The following BCO1 variants were observed in gnomAD, a reference collection of about 807,000 sequenced individuals.
BCO1 encodes beta,beta-carotene 15,15'-dioxygenase.
BCO1 carries 54 observed loss-of-function variants against 56.3 expected under a neutral mutation model. The observed-to-expected ratio is 0.96, with a 90% CI of 0.77 to 1.20. BCO1 has a LOEUF of 1.20. BCO1 is among the 50% of genes most tolerant of loss of function. BCO1 has a pLI of 0.00. For synonymous variants in BCO1, 318 were observed against 266.1 expected (o/e 1.20, Z -1.90); for missense variants, 801 against 690.9 (o/e 1.16, Z -1.79).
At chr16:81,242,866 C>G (rs776282171) in intron 1 of BCO1, among the ~76,000 whole-genome samples, 1 of 152,100 alleles carries the variant, frequency 6.6e-6, no homozygotes, top group Non-Finnish European at 1.5e-5. Flanking sequence ...AGTGCAAACC[C>G]TACTGTGAGC....
chr16:81,243,658 G>C (rs142527902), intron 1 of BCO1, among the ~76,000 whole-genome samples: 2 of 152,032 alleles, frequency 1.3e-5, no homozygotes, highest in African/African-American at 4.8e-5. Context: ...TGGTGGAGGC[G>C]GGGTTTCACC....
Position 81,245,472 on chromosome 16 carries a change from C to T in BCO1, c.65-3C>T. On this transcript the variant is annotated splice_region_variant and splice_polypyrimidine_tract_variant and intron_variant, in intron 1 of 10. Transcript: ENST00000258168. Reference sequence around the variant, plus strand: ...GGAAACTAAACATTCTCTCTTTTCTCAGGCAAGATTCCAGCATGGCTGCAG... The same window carrying T: ...GGAAACTAAACATTCTCTCTTTTCTTAGGCAAGATTCCAGCATGGCTGCAG... 1 of 1,614,200 alleles carries T rather than the reference C, an allele frequency of 6.2e-7. No individual in the cohort carries two copies. Among genetic ancestry groups the T allele is most frequent in the African/African-American group, 1.3e-5 (1 of 75,048 alleles).
chr16:81,252,012 C>G (rs1905837088), intron 2 of BCO1, among the ~76,000 whole-genome samples: 1 of 151,944 alleles, frequency 6.6e-6, no homozygotes, highest in Non-Finnish European at 1.5e-5. Flanking sequence ...GCTAATTGGG[C>G]TCTCCTGAAA....
intron 6 of BCO1, among the ~76,000 whole-genome samples, chr16:81,268,631 T>G (rs1906985623): frequency 6.6e-6 from 1 of 152,220 alleles, no homozygotes; most frequent in African/African-American, 2.4e-5. Context: ...AAAGTATGTA[T>G]GCACGTATTG....
rs758449542 is a variant in BCO1, at chr16:81,268,112, C to A, written c.824C>A (p.Ala275Asp). The A allele has an allele frequency of 1.2e-6, 2 of 1,609,828 alleles. No homozygotes were observed. Among genetic ancestry groups the A allele is most frequent in the Non-Finnish European group, 1.7e-6 (2 of 1,179,978 alleles). ...IRRMSWASCL[A>D]FHREEKTYIH... ...AGAATGAGCTGGGCCTCCTGCCTGG[C>A]TTTCCACAGGGAGGAGAAGGTGAGG... Residue 275 changes from alanine to aspartate, a missense_variant, in exon 6 of 11, where the codon GCT (alanine) becomes GAT (aspartate). Transcript: ENST00000258168.
At chr16:81,254,230 G>A (rs1055886204) in intron 2 of BCO1, among the ~76,000 whole-genome samples, 70 of 150,800 alleles carry the variant, frequency 4.6e-4, no homozygotes, top group African/African-American at 1.7e-3. Flanking sequence ...CTGGGTTCAA[G>A]CAATTCTCCT....
At chr16:81,282,391 A>G (rs1907932548) in intron 8 of BCO1, among the ~76,000 whole-genome samples, 1 of 152,066 alleles carries the variant, frequency 6.6e-6, no homozygotes, top group South Asian at 2.1e-4. Context: ...CAAAAAACAA[A>G]AAACAAAAAC....
At chr16:81,270,485 C>T (rs1419811908) in intron 7 of BCO1, 69 bp downstream of exon 7, 1 of 1,595,746 alleles carries the variant, frequency 6.3e-7, no homozygotes, top group Non-Finnish European at 8.6e-7. Context: ...GTTACTTTGG[C>T]CCTTATTTGA....
chr16:81,266,990 C>G (rs575375910), intron 5 of BCO1, among the ~76,000 whole-genome samples: 168 of 152,280 alleles, frequency 1.1e-3, no homozygotes, highest in Non-Finnish European at 1.9e-3. Flanking sequence ...CATTATAAGC[C>G]AGCCGTAGGC....
chr16:81,240,527 G>A (rs988325572), intron 1 of BCO1, among the ~76,000 whole-genome samples: 8 of 152,082 alleles, frequency 5.3e-5, no homozygotes, highest in Non-Finnish European at 7.4e-5. Flanking sequence ...CTAACATGGC[G>A]AAATCCCTCT....
chr16:81,245,905 C>A (rs1450718315), intron 2 of BCO1, among the ~76,000 whole-genome samples: 1 of 139,482 alleles, frequency 7.2e-6, no homozygotes, highest in African/African-American at 2.7e-5. Context: ...TCTTGTTGCC[C>A]AAGCTGGAGT....
At position 81,238,787 on chromosome 16, in the gene BCO1, T is replaced by A. The variant is rs1904973664; in HGVS notation, c.-122T>A. On this transcript the variant is annotated 5_prime_UTR_variant, in exon 1 of 11. It removes an upstream start codon present in the reference 5' UTR. Coordinates refer to ENST00000258168, the MANE Select transcript of BCO1 (RefSeq NM_017429.3). ...GAAACGGCATCAGGAGAGACAGAGA[T>A]GTGAAGGAGGGAAGGAGCAGGAGAG... 1.2e-6 allele frequency: 1 copy of A among 857,236 alleles called. No homozygotes were observed. Among genetic ancestry groups the A allele is most frequent in the Non-Finnish European group, 2.0e-6 (1 of 503,742 alleles). The allele number at this position is 857,236 out of a possible 1,614,324, so 53.1% of individuals were successfully genotyped here. A position where few individuals can be genotyped will look rare whatever the true frequency, so the allele number is the denominator to read the frequency against.
At chr16:81,288,484 C>G (rs1908304007) in intron 10 of BCO1, among the ~76,000 whole-genome samples, 1 of 152,152 alleles carries the variant, frequency 6.6e-6, no homozygotes, top group East Asian at 1.9e-4. Context: ...AGGCTGGTCT[C>G]AAACTCTTGG....
intron 2 of BCO1, among the ~76,000 whole-genome samples, chr16:81,253,864 G>T (rs533393493): frequency 6.6e-6 from 1 of 152,264 alleles, no homozygotes; most frequent in East Asian, 1.9e-4. Flanking sequence ...TTGGGAAACT[G>T]AGGTGGGAGG....
intron 4 of BCO1, chr16:81,263,474 C>T (rs866009064): frequency 2.0e-4 from 31 of 152,168 alleles, no homozygotes; most frequent in African/African-American, 7.5e-4. Flanking sequence ...TTAATGACAT[C>T]TATAAAGACC....
chr16:81,290,307 C>T (rs767012096), intron 10 of BCO1, 41 bp from the exon 11 acceptor site: 8 of 1,518,738 alleles, frequency 5.3e-6, no homozygotes, highest in Non-Finnish European at 6.4e-6. Context: ...CCGACTGAAG[C>T]CTGCACTTTT....
At chr16:81,271,518 AC>A (rs35397313) in intron 7 of BCO1, among the ~76,000 whole-genome samples, 1 of 152,006 alleles carries the variant, frequency 6.6e-6, no homozygotes, top group Non-Finnish European at 1.5e-5. Context: ...TCCAAAACAC[AC>A]CCCACACCCC....
chr16:81,251,838 ACACACACACACACG>A (rs1162041486), intron 2 of BCO1, among the ~76,000 whole-genome samples: 1 of 147,286 alleles, frequency 6.8e-6, no homozygotes, highest in Non-Finnish European at 1.5e-5. Flanking sequence ...ATATACCCAC[ACACACACACACACG>A]CACACACACA....
chr16:81,250,940 A>G (rs1905757572), intron 2 of BCO1, among the ~76,000 whole-genome samples: 1 of 152,120 alleles, frequency 6.6e-6, no homozygotes, highest in South Asian at 2.1e-4. Flanking sequence ...ATAGTCCTCA[A>G]AGATAGCGTT....
Sources: gnomAD v4.1 joint callset for allele counts (sites outside exome capture counted in the v4.1 genomes callset) on GRCh38, gnomAD v4.1.1 for gene constraint, MANE v1.5 for transcripts, NCBI Gene and HGNC (gene_info 2026-07-23, HGNC 2026-07-21) for gene names.